Variants in TEX11 observed in about 807,000 individuals in gnomAD.
The protein encoded by TEX11 is testis expressed 11.
A neutral mutation model predicts 84.4 loss-of-function variants in TEX11; 7 were observed. The observed-to-expected ratio is 0.08, with a 90% CI of 0.05 to 0.16. The LOEUF (loss-of-function observed/expected upper bound fraction) is 0.16. Ranked by LOEUF, TEX11 falls within the 10% of genes least tolerant of loss-of-function variation. TEX11 has a pLI of 1.00. For missense variants in TEX11, 551 were observed against 660.5 expected (o/e 0.83, Z 1.82); for synonymous variants, 264 against 222.8 (o/e 1.18, Z -1.64).
At chrX:70,552,269 T>C (rs750186294) in intron 27 of TEX11, 23 bp from the exon 28 acceptor site, 4 of 1,199,745 alleles carry the variant, frequency 3.3e-6, no homozygotes, top group East Asian at 3.0e-5. Context: ...AAGAGAAAAC[T>C]CATCCCATAA....
At chrX:70,539,038 A>ATATATATATATAT in intron 28 of TEX11, among the ~76,000 whole-genome samples, 15 of 41,245 alleles carry the variant, frequency 3.6e-4, no homozygotes, top group East Asian at 3.4e-3. Flanking sequence ...ATATATATAT[A>ATATATATATATAT]TTTTTTTTTT....
At chrX:70,802,994 A>G (rs984190197) in intron 9 of TEX11, among the ~76,000 whole-genome samples, 1 of 111,581 alleles carries the variant, frequency 9.0e-6, no homozygotes, top group Admixed American at 9.6e-5. Context: ...GCCACTAACA[A>G]GTTGTCTAGA....
At chrX:70,750,409 C>A (rs1049710696) in intron 9 of TEX11, among the ~76,000 whole-genome samples, 1 of 111,492 alleles carries the variant, frequency 9.0e-6, no homozygotes, top group African/African-American at 3.3e-5. Flanking sequence ...TTGACCCAGC[C>A]ATCCCATTAC....
intron 9 of TEX11, among the ~76,000 whole-genome samples, chrX:70,784,250 C>T (rs1294924501): frequency 9.0e-6 from 1 of 111,465 alleles, no homozygotes; most frequent in Non-Finnish European, 1.9e-5. Flanking sequence ...GCAATAGATG[C>T]AGAAAAGGCC....
the TEX11 span, among the ~76,000 whole-genome samples, chrX:70,522,441 G>C: frequency 1.8e-5 from 2 of 112,223 alleles, no homozygotes; most frequent in Admixed American, 9.5e-5. Context: ...GGGTTGAAAG[G>C]CTCTTAAAAA....
Position 70,861,352 on chromosome X carries a change from C to T in TEX11, c.245-416G>A, listed in dbSNP as rs763424784. Reference sequence around the variant, plus strand: ...CTGGGATTACAGGCGTGAGCCACTGCGCCCGGCCTGTAAAGGACTTTTTAA... The same window carrying T: ...CTGGGATTACAGGCGTGAGCCACTGTGCCCGGCCTGTAAAGGACTTTTTAA... On this transcript the variant is annotated intron_variant, in intron 4 of 29. Transcript: ENST00000374333. Among the ~76,000 whole-genome samples the T allele has an allele frequency of 5.4e-5, 6 of 110,976 alleles. No homozygotes were observed. The South Asian group carries it at 1.9e-3, about 35-fold the overall frequency.
At chrX:70,639,258 C>A (rs777181728) in intron 17 of TEX11, among the ~76,000 whole-genome samples, 2 of 111,997 alleles carry the variant, frequency 1.8e-5, no homozygotes, top group East Asian at 5.7e-4. Flanking sequence ...GCACCTGGCT[C>A]GGAGGGTCCT....
At chrX:70,700,248 T>TA (rs775541744) in intron 13 of TEX11, among the ~76,000 whole-genome samples, 5 of 111,067 alleles carry the variant, frequency 4.5e-5, no homozygotes, top group African/African-American at 1.6e-4. Flanking sequence ...CCCGAGTAGT[T>TA]AGAACTATAA....
In TEX11 at chrX:70,850,591, A is replaced by T. The variant is rs993540191; in HGVS notation, c.525+2443T>A. 5.6e-4 allele frequency among the ~76,000 whole-genome samples: 62 copies of T among 110,053 alleles called. No homozygotes were observed. The East Asian group carries it at 0.015, about 27-fold the overall frequency. On this transcript the variant is annotated intron_variant, in intron 7 of 29. Transcript: ENST00000374333. ...ACCCTCCCTCTACAAAAAAAAAAAA[A>T]AAATGTTTATTTAATTAGCCAGGCA...
chrX:70,538,006 C>A (rs997052530), intron 28 of TEX11, among the ~76,000 whole-genome samples: 1 of 111,382 alleles, frequency 9.0e-6, no homozygotes, highest in African/African-American at 3.3e-5. Context: ...AGCAAAGATC[C>A]AGGTAATTTA....
At chrX:70,812,528 G>A (rs1164654205) in intron 8 of TEX11, among the ~76,000 whole-genome samples, 1 of 111,066 alleles carries the variant, frequency 9.0e-6, no homozygotes, top group African/African-American at 3.3e-5. Flanking sequence ...TTTTGCATAC[G>A]GTGTAAGGAA....
At chrX:70,731,435 G>T (rs2090649656) in intron 11 of TEX11, among the ~76,000 whole-genome samples, 1 of 109,366 alleles carries the variant, frequency 9.1e-6, no homozygotes, top group African/African-American at 3.3e-5. Flanking sequence ...AAAGAGAGAA[G>T]AATCAAATAG....
intron 9 of TEX11, among the ~76,000 whole-genome samples, chrX:70,780,818 C>T (rs991453796): frequency 4.5e-5 from 5 of 112,351 alleles, no homozygotes; most frequent in African/African-American, 1.3e-4. Context: ...TCAAGCTGGT[C>T]GGAGCCCACC....
At chrX:70,825,370 TA>T (rs1046691377) in intron 8 of TEX11, among the ~76,000 whole-genome samples, 3 of 108,426 alleles carry the variant, frequency 2.8e-5, no homozygotes, top group African/African-American at 1.0e-4. Context: ...TATTGTTCAA[TA>T]AAAAACTACT....
rs758539750 is a variant in TEX11 at position 70,529,140 on chromosome X, CTTG to C, written c.2730_2732del (p.Asn910del). The stretch of plus-strand genomic sequence containing the variant: ...AGCCATGTTCATGAAAAACTGGGCC[CTTG>C]TTGTTACTCAATGCTTCCACAAGCT... On this transcript the variant is annotated inframe_deletion, in exon 30 of 30. Transcript: ENST00000374333. 33 of 1,208,615 alleles carry C rather than the reference CTTG, an allele frequency of 2.7e-5. No individual in the cohort carries two copies. Among genetic ancestry groups the C allele is most frequent in the African/African-American group, 1.9e-4 (11 of 57,000 alleles).
At chrX:70,686,997 G>A (rs904260115) in intron 13 of TEX11, among the ~76,000 whole-genome samples, 1 of 111,444 alleles carries the variant, frequency 9.0e-6, no homozygotes, top group Non-Finnish European at 1.9e-5. Flanking sequence ...TGATTAGATC[G>A]GTTTACTTTG....
chrX:70,722,250 T>A (rs1188345171), intron 13 of TEX11, among the ~76,000 whole-genome samples: 1 of 111,955 alleles, frequency 8.9e-6, no homozygotes, highest in Non-Finnish European at 1.9e-5. Context: ...ATTTGATACA[T>A]GGCTAGTGTG....
intron 24 of TEX11, among the ~76,000 whole-genome samples, chrX:70,594,694 C>A (rs991900136): frequency 6.3e-5 from 7 of 110,863 alleles, no homozygotes; most frequent in African/African-American, 1.3e-4. Context: ...ATGTGTGGTG[C>A]GAGGGACCCA....
At chrX:70,534,090 CAAAAAAAAAAAA>C (rs1168310559) in intron 28 of TEX11, among the ~76,000 whole-genome samples, 3 of 21,730 alleles carry the variant, frequency 1.4e-4, no homozygotes, top group Admixed American at 7.8e-4. Flanking sequence ...GACTCCATCT[CAAAAAAAAAAAA>C]AAAAAAAAAA....
Sources: allele counts gnomAD v4.1 joint callset (sites outside exome capture counted in the v4.1 genomes callset), GRCh38; gene constraint gnomAD v4.1.1; transcripts MANE v1.5; gene names NCBI Gene and HGNC (gene_info 2026-07-23, HGNC 2026-07-21).